The following PAPPA2 variants were observed in gnomAD, a reference collection of about 807,000 sequenced individuals.
The protein encoded by PAPPA2 is pappalysin 2, also known as pappalysin-2.
Under a neutral mutation model 176.4 loss-of-function variants are expected in PAPPA2, and 86 were observed. That is an observed-to-expected ratio of 0.49 (90% CI 0.41 to 0.58). PAPPA2 has a LOEUF of 0.58. Among genes scored for constraint, PAPPA2 ranks in the 20% least tolerant of loss-of-function variants. The pLI is 0.00. For missense variants in PAPPA2, 2,073 were observed against 2,256.9 expected, an observed-to-expected ratio of 0.92 and a Z score of 1.65; for synonymous variants, 809 against 852.2, an observed-to-expected ratio of 0.95 and a Z score of 0.88.
intron 14 of PAPPA2, among the ~76,000 whole-genome samples, chr1:176,764,323 G>T (rs1663834700): frequency 6.6e-6 from 1 of 152,234 alleles, no homozygotes; most frequent in South Asian, 2.1e-4. Context: ...GAACAAAAAA[G>T]TGGGGTGACA....
chr1:176,472,571 G>A (rs547006341), intron 1 of PAPPA2, among the ~76,000 whole-genome samples: 6 of 152,172 alleles, frequency 3.9e-5, no homozygotes, highest in South Asian at 2.1e-4. Flanking sequence ...CTTACAAACC[G>A]TAATCTAGGC....
At chr1:176,695,715 T>C (rs1660343550) in intron 6 of PAPPA2, 23 bp from the exon 7 acceptor site, 3 of 1,612,988 alleles carry the variant, frequency 1.9e-6, no homozygotes, top group Admixed American at 1.7e-5. Flanking sequence ...TCATCTCCCA[T>C]CTCCATCCCT....
chr1:176,666,094 G>A (rs1361111762), intron 3 of PAPPA2, among the ~76,000 whole-genome samples: 1 of 152,064 alleles, frequency 6.6e-6, no homozygotes, highest in Non-Finnish European at 1.5e-5. Flanking sequence ...CAGAACCCTG[G>A]GAAATAACTT....
intron 1 of PAPPA2, among the ~76,000 whole-genome samples, chr1:176,544,392 A>G (rs1650513312): frequency 6.6e-6 from 1 of 152,158 alleles, no homozygotes; most frequent in Admixed American, 6.5e-5. Flanking sequence ...TTAACACTTG[A>G]TTTGGAAACA....
At chr1:176,720,367 T>C (rs1661562458) in intron 12 of PAPPA2, among the ~76,000 whole-genome samples, 1 of 152,160 alleles carries the variant, frequency 6.6e-6, no homozygotes, top group Non-Finnish European at 1.5e-5. Context: ...TTTAATATGC[T>C]TAGTTTGTTA....
chr1:176,510,810 TACACACACACACACACACACACAC>T (rs200808228), intron 1 of PAPPA2, among the ~76,000 whole-genome samples: 2 of 126,492 alleles, frequency 1.6e-5, no homozygotes. Context: ...AAGCAACACA[TACACACACACACACACACACACAC>T]ACACACACAC....
chr1:176,829,433 G>C (rs920931198), intron 21 of PAPPA2, among the ~76,000 whole-genome samples: 2 of 152,210 alleles, frequency 1.3e-5, no homozygotes, highest in African/African-American at 4.8e-5. Context: ...ATGCTGGCCT[G>C]CCTGGCATGT....
At chr1:176,516,771 C>T (rs2102531477) in intron 1 of PAPPA2, among the ~76,000 whole-genome samples, 1 of 152,264 alleles carries the variant, frequency 6.6e-6, no homozygotes, top group Admixed American at 6.5e-5. Flanking sequence ...TCAAATTATC[C>T]AGTCTGTAGT....
Position 176,489,422 on chromosome 1 carries a change from A to G in PAPPA2, c.-917+26004A>G, listed in dbSNP as rs151015945. Among the ~76,000 whole-genome samples the G allele has an allele frequency of 4.6e-3, 694 of 152,274 alleles. 6 individuals carry two copies. Among genetic ancestry groups the G allele is most frequent in the African/African-American group, 0.016 (651 of 41,544 alleles). The stretch of plus-strand genomic sequence containing the variant: ...ATACCCTTTATGAATACTTTATAGA[A>G]AGTAGATTTCACTCAGAAGTAACAT... On this transcript the variant is annotated intron_variant, in intron 1 of 22. Coordinates refer to ENST00000367662, the MANE Select transcript of PAPPA2 (RefSeq NM_020318.3).
chr1:176,823,131 T>A (rs1479710392), intron 21 of PAPPA2, among the ~76,000 whole-genome samples: 1 of 152,216 alleles, frequency 6.6e-6, no homozygotes, highest in Non-Finnish European at 1.5e-5. Flanking sequence ...TCCAGCCTCC[T>A]GAAACATTTA....
intron 3 of PAPPA2, among the ~76,000 whole-genome samples, chr1:176,652,451 C>T (rs1440932328): frequency 6.6e-6 from 1 of 151,588 alleles, no homozygotes; most frequent in East Asian, 1.9e-4. Context: ...AGAGTGTGCC[C>T]TGTACCATAT....
chr1:176,597,369 G>A (rs1654043062), intron 3 of PAPPA2, among the ~76,000 whole-genome samples: 1 of 152,136 alleles, frequency 6.6e-6, no homozygotes, highest in Non-Finnish European at 1.5e-5. Flanking sequence ...TGTAAAATAA[G>A]ATTAGTTCTT....
In PAPPA2 at chr1:176,670,954, C is replaced by T. The variant is rs1322565516; in HGVS notation, c.1992-16C>T. On this transcript the variant is annotated splice_polypyrimidine_tract_variant and intron_variant, in intron 3 of 22. Transcript: ENST00000367662. Reference sequence around the variant, plus strand: ...ATTCTTTGCTGTGACATTTTTTCATCTTGCATGCTCTCTAGGGCATACATG... The same window carrying T: ...ATTCTTTGCTGTGACATTTTTTCATTTTGCATGCTCTCTAGGGCATACATG... 4 of 1,611,672 alleles carry T rather than the reference C, an allele frequency of 2.5e-6. No individual in the cohort carries two copies. Among genetic ancestry groups the T allele is most frequent in the Middle Eastern group, 1.7e-4 (1 of 6,030 alleles).
chr1:176,498,542 G>T (rs1558403123), intron 1 of PAPPA2, among the ~76,000 whole-genome samples: 1 of 151,980 alleles, frequency 6.6e-6, no homozygotes, highest in Non-Finnish European at 1.5e-5. Context: ...TTGAGGTCAG[G>T]CATTCAAGAC....
At chr1:176,534,359 A>AT (rs1649962840) in intron 1 of PAPPA2, among the ~76,000 whole-genome samples, 1 of 152,038 alleles carries the variant, frequency 6.6e-6, no homozygotes, top group South Asian at 2.1e-4. Context: ...ATTTGCTTCT[A>AT]TTCCAGTCCC....
intron 3 of PAPPA2, among the ~76,000 whole-genome samples, chr1:176,667,402 A>G (rs1658723712): frequency 6.6e-6 from 1 of 152,120 alleles, no homozygotes; most frequent in Non-Finnish European, 1.5e-5. Flanking sequence ...AAACAGAAAA[A>G]TGAAAGGAAG....
intron 1 of PAPPA2, among the ~76,000 whole-genome samples, chr1:176,547,500 G>T (rs558263718): frequency 3.2e-4 from 49 of 152,216 alleles, no homozygotes; most frequent in African/African-American, 1.2e-3. Context: ...ATCTGCCTTG[G>T]TTGTCATGAC....
chr1:176,761,523 T>C (rs1218744935), intron 14 of PAPPA2, among the ~76,000 whole-genome samples: 1 of 152,234 alleles, frequency 6.6e-6, no homozygotes, highest in East Asian at 1.9e-4. Context: ...TTTGATTTAC[T>C]GCTATTTAAA....
chr1:176,584,921 G>A (rs993218167), intron 2 of PAPPA2, among the ~76,000 whole-genome samples: 3 of 152,010 alleles, frequency 2.0e-5, no homozygotes, highest in Admixed American at 2.0e-4. Flanking sequence ...TTGTATTTTA[G>A]TAGAGATGGG....
Sources: gnomAD v4.1 joint callset for allele counts (sites outside exome capture counted in the v4.1 genomes callset) on GRCh38, gnomAD v4.1.1 for gene constraint, MANE v1.5 for transcripts, NCBI Gene and HGNC (gene_info 2026-07-23, HGNC 2026-07-21) for gene names.